The following RHPN1 variants were observed in gnomAD, a reference collection of about 807,000 sequenced individuals.
The protein encoded by RHPN1 is rhophilin Rho GTPase binding protein 1.
RHPN1 carries 77 observed loss-of-function variants against 74.7 expected under a neutral mutation model. The observed-to-expected ratio is 1.03, with a 90% confidence interval of 0.86 to 1.25. The LOEUF is 1.25. Among genes scored for constraint, RHPN1 ranks in the 50% most tolerant of loss-of-function variants. RHPN1 has a pLI of 0.00. For synonymous variants in RHPN1, 444 were observed against 414.5 expected (o/e 1.07, Z -0.87); for missense variants, 987 against 932.2 (o/e 1.06, Z -0.77).
At chr8:143,376,970 C>T (rs868103067) in intron 3 of RHPN1, among the ~76,000 whole-genome samples, 16 of 147,850 alleles carry the variant, frequency 1.1e-4, no homozygotes, top group African/African-American at 3.8e-4. Flanking sequence ...GTGCACGTGT[C>T]TGCGTGCGTG....
At chr8:143,372,003 A>G (rs1285887699) in intron 1 of RHPN1, among the ~76,000 whole-genome samples, 1 of 152,146 alleles carries the variant, frequency 6.6e-6, no homozygotes, top group Admixed American at 6.5e-5. Flanking sequence ...GTAGGCCGGG[A>G]AGTCACTTGG....
At chr8:143,369,089 T>A in intron 1 of RHPN1, 42 bp downstream of exon 1, 1 of 1,422,442 alleles carries the variant, frequency 7.0e-7, no homozygotes, top group Non-Finnish European at 9.2e-7. Flanking sequence ...GGGCCCGGAA[T>A]CCCGGCCTTT....
At chr8:143,365,276 C>A (rs1009893191), upstream of RHPN1, among the ~76,000 whole-genome samples, 1 of 152,168 alleles carries the variant, frequency 6.6e-6, no homozygotes, top group Admixed American at 6.5e-5. Context: ...TAGGGCTGAC[C>A]TAAAAGACCC....
upstream of RHPN1, among the ~76,000 whole-genome samples, chr8:143,364,955 C>T (rs1452148836): frequency 6.6e-6 from 1 of 152,168 alleles, no homozygotes; most frequent in Non-Finnish European, 1.5e-5. This position sits in a 1 kb window ranked among gnomAD's most constrained non-coding sequence, Gnocchi z 4.5. Flanking sequence ...GAGCAGCCTG[C>T]GTGCAGCGGG....
rs558724298 is a variant in RHPN1, at chr8:143,379,517, G to A, written c.945+9G>A. 5.3e-5 allele frequency: 81 copies of A among 1,536,878 alleles called. No homozygotes were observed. Among genetic ancestry groups the A allele is most frequent in the East Asian group, 2.5e-4 (10 of 40,814 alleles). ...CGCAGGAGGCCGCCCAGGTGAGCTC[G>A]GGCACCCGTGTCAGGATGCAGGGGG... On this transcript the variant is annotated intron_variant, in intron 8 of 14. Transcript: ENST00000289013.
Position 143,378,741 on chromosome 8 carries a change from A to G in RHPN1, c.505A>G (p.Thr169Ala), listed in dbSNP as rs1397966961. The change falls in exon 6 of 15, where the codon ACA becomes GCA. Residue 169 changes from threonine (T) to alanine (A), a missense_variant. By Grantham distance (58) the Thr-to-Ala change is moderately conservative. Transcript: ENST00000289013. The part of the protein sequence containing the change: ...SRNESGLELL[T>A]AYYNQLCFLD... ...GAATGAGTCGGGCCTGGAGCTGCTC[A>G]CAGCCTATTACAACCAGCTGTGCTT... 2 of 1,590,478 alleles carry G rather than the reference A, an allele frequency of 1.3e-6. No individual in the cohort carries two copies. The highest frequency in any genetic ancestry group is 3.5e-5 in the Admixed American group (2 of 56,718).
In RHPN1 at chr8:143,379,307, C is replaced by T. The variant is rs1248752523; in HGVS notation, c.752-8C>T. ...GCCCTGCCTGTGTGAGCACCCCTCC[C>T]TCCGCAGGGGCCTTCAGCCTCCTGA... On this transcript the variant is annotated splice_region_variant and splice_polypyrimidine_tract_variant and intron_variant, in intron 7 of 14. Transcript: ENST00000289013. 2.5e-6 allele frequency: 4 copies of T among 1,575,856 alleles called. No individual in the cohort carries two copies. Among genetic ancestry groups the T allele is most frequent in the Non-Finnish European group, 3.5e-6 (4 of 1,157,744 alleles).
At chr8:143,374,290 A>G in intron 1 of RHPN1, 2 of 985,434 alleles carry the variant, frequency 2.0e-6, no homozygotes, top group Non-Finnish European at 2.4e-6. Context: ...AGCTTCATGC[A>G]GTGGTAGGTC....
intron 1 of RHPN1, among the ~76,000 whole-genome samples, chr8:143,370,515 T>A (rs1382653648): frequency 6.6e-6 from 1 of 152,194 alleles, no homozygotes; most frequent in Non-Finnish European, 1.5e-5. Flanking sequence ...CAGGGGTCGG[T>A]CGTTCATCCA....
intron 1 of RHPN1, among the ~76,000 whole-genome samples, chr8:143,370,635 G>A (rs1042044098): frequency 4.6e-5 from 7 of 152,238 alleles, no homozygotes; most frequent in African/African-American, 2.4e-5. Context: ...TGGTGCCAGG[G>A]CCAGTGCTAC....
At chr8:143,379,623 C>T in intron 8 of RHPN1, 115 bp downstream of exon 8, 1 of 1,450,018 alleles carries the variant, frequency 6.9e-7, no homozygotes, top group Non-Finnish European at 9.1e-7. Flanking sequence ...AGCCCCGAGC[C>T]AGCTGTTGTC....
chr8:143,376,779 T>TGTGCATGTGTGTGC, intron 3 of RHPN1, 126 bp downstream of exon 3: 1 of 1,063,830 alleles, frequency 9.4e-7, no homozygotes, highest in Non-Finnish European at 1.4e-6. Context: ...TGTGTGCGTG[T>TGTGCATGTGTGTGC]GTGCATGTGT....
At chr8:143,364,397 G>T (rs1415095047), upstream of RHPN1, among the ~76,000 whole-genome samples, 1 of 150,236 alleles carries the variant, frequency 6.7e-6, no homozygotes, top group African/African-American at 2.4e-5. This position sits in a 1 kb window ranked among gnomAD's most constrained non-coding sequence, Gnocchi z 4.5. Flanking sequence ...AGCCTGGGAA[G>T]GTCCCTCAGC....
At chr8:143,371,253 G>T (rs1280454740) in intron 1 of RHPN1, among the ~76,000 whole-genome samples, 1 of 152,156 alleles carries the variant, frequency 6.6e-6, no homozygotes, top group Non-Finnish European at 1.5e-5. Context: ...CTCATCAGTG[G>T]GGGGCAGAGA....
chr8:143,369,080 G>A (rs1052473394), intron 1 of RHPN1, 33 bp downstream of exon 1: 47 of 1,446,890 alleles, frequency 3.2e-5, no homozygotes, highest in Admixed American at 5.5e-5. Context: ...CGGGAGGAGG[G>A]GCCCGGAATC....
At chr8:143,374,253 G>A (rs974914181) in intron 1 of RHPN1, 6 of 985,348 alleles carry the variant, frequency 6.1e-6, no homozygotes, top group African/African-American at 5.2e-5. Context: ...GACCCAGTGC[G>A]TGTGCACGTT....
chr8:143,365,821 ACCC>A (rs1465779894), upstream of RHPN1, among the ~76,000 whole-genome samples: 1 of 151,918 alleles, frequency 6.6e-6, no homozygotes, highest in East Asian at 1.9e-4. Flanking sequence ...ACATAGCGAG[ACCC>A]CATCTCTACA....
At chr8:143,372,517 G>A (rs1237952367) in intron 1 of RHPN1, among the ~76,000 whole-genome samples, 1 of 152,088 alleles carries the variant, frequency 6.6e-6, no homozygotes. Flanking sequence ...GTGTCCACGG[G>A]GGCAGGGCTG....
At chr8:143,366,561 ACGCACACG>A (rs1339563301), upstream of RHPN1, 1 of 150,960 alleles carries the variant, frequency 6.6e-6, no homozygotes, top group African/African-American at 2.4e-5. Context: ...ACGCACACAC[ACGCACACG>A]CACACACGCA....
Sources: gnomAD v4.1 joint callset for allele counts (sites outside exome capture counted in the v4.1 genomes callset) on GRCh38, gnomAD v4.1.1 for gene constraint, Gnocchi (gnomAD v3.1) non-coding constraint, MANE v1.5 for transcripts, NCBI Gene and HGNC (gene_info 2026-07-23, HGNC 2026-07-21) for gene names.